Variants in AGBL1 observed in about 807,000 individuals in gnomAD.
AGBL1 encodes the protein AGBL carboxypeptidase 1, also known as cytosolic carboxypeptidase 4.
A neutral mutation model predicts 118.9 loss-of-function variants in AGBL1; 130 were observed. The observed-to-expected ratio is 1.09, with a 90% CI of 0.95 to 1.26. The LOEUF is 1.26. Ranked by LOEUF, AGBL1 falls within the 50% of genes most tolerant of loss-of-function variation. The pLI is 0.00. For synonymous variants in AGBL1, 555 were observed against 478.9 expected (o/e 1.16, Z -2.08); for missense variants, 1,584 against 1,298.1 (o/e 1.22, Z -3.38).
chr15:86,967,819 T>G (rs112660525), intron 23 of AGBL1, among the ~76,000 whole-genome samples: 6,352 of 152,128 alleles, frequency 0.042, 163 homozygotes, highest in Middle Eastern at 0.071. Context: ...GCTCTTTTTT[T>G]GTTCCATATG....
intron 17 of AGBL1, among the ~76,000 whole-genome samples, chr15:86,305,488 G>A (rs2079824349): frequency 6.6e-6 from 1 of 152,050 alleles, no homozygotes; most frequent in Admixed American, 6.6e-5. Context: ...ATGTAAAAAT[G>A]TTAATGATTT....
intron 22 of AGBL1, among the ~76,000 whole-genome samples, chr15:86,791,999 G>A (rs2078500949): frequency 6.6e-6 from 1 of 152,096 alleles, no homozygotes; most frequent in Non-Finnish European, 1.5e-5. Context: ...GCCTCCTAAT[G>A]CTCTGGGATT....
At chr15:86,755,063 A>G (rs1330233754) in intron 22 of AGBL1, among the ~76,000 whole-genome samples, 1 of 152,098 alleles carries the variant, frequency 6.6e-6, no homozygotes, top group African/African-American at 2.4e-5. Flanking sequence ...CATCATCCAT[A>G]TATATGTCTG....
chr15:86,402,717 T>C (rs1378701536), intron 18 of AGBL1, among the ~76,000 whole-genome samples: 1 of 152,152 alleles, frequency 6.6e-6, no homozygotes, highest in East Asian at 1.9e-4. Flanking sequence ...TTTGTGGTGA[T>C]GGTGATGGAG....
At chr15:86,582,950 A>G (rs1252486474) in intron 21 of AGBL1, among the ~76,000 whole-genome samples, 2 of 152,106 alleles carry the variant, frequency 1.3e-5, no homozygotes, top group Non-Finnish European at 2.9e-5. Flanking sequence ...AACATGGCAC[A>G]TGTATACATA....
At chr15:86,349,901 T>A (rs1326207409) in intron 17 of AGBL1, among the ~76,000 whole-genome samples, 1 of 152,214 alleles carries the variant, frequency 6.6e-6, no homozygotes, top group Non-Finnish European at 1.5e-5. Flanking sequence ...TGAACTTCAG[T>A]TTTCCTTTCA....
At chr15:86,923,233 C>A (rs2080498010) in intron 23 of AGBL1, among the ~76,000 whole-genome samples, 1 of 152,162 alleles carries the variant, frequency 6.6e-6, no homozygotes, top group African/African-American at 2.4e-5. Flanking sequence ...GGGCTTAGGG[C>A]AGATTAAAGT....
chr15:86,170,294 C>T (rs1423268071), intron 5 of AGBL1, among the ~76,000 whole-genome samples: 1 of 151,966 alleles, frequency 6.6e-6, no homozygotes, highest in East Asian at 1.9e-4. Context: ...AATACAGAAA[C>T]AGAACATTTC....
intron 21 of AGBL1, among the ~76,000 whole-genome samples, chr15:86,573,254 G>A (rs1315692734): frequency 1.3e-5 from 2 of 152,128 alleles, no homozygotes; most frequent in African/African-American, 4.8e-5. Context: ...TTCAAGAAAC[G>A]TTTTTCTTTT....
At chr15:86,571,684 AG>A (rs1283786959) in intron 21 of AGBL1, among the ~76,000 whole-genome samples, 2 of 152,076 alleles carry the variant, frequency 1.3e-5, no homozygotes, top group Admixed American at 1.3e-4. Flanking sequence ...CCTCTGCTCA[AG>A]TCAAGGGATG....
chr15:86,896,666 C>G (rs1215322135), intron 22 of AGBL1, among the ~76,000 whole-genome samples: 2 of 152,074 alleles, frequency 1.3e-5, no homozygotes, highest in East Asian at 3.8e-4. Context: ...CTATTGACTT[C>G]TGCTGTAAAA....
intron 5 of AGBL1, among the ~76,000 whole-genome samples, chr15:86,200,154 T>C (rs776454652): frequency 6.6e-6 from 1 of 152,260 alleles, no homozygotes; most frequent in Non-Finnish European, 1.5e-5. Flanking sequence ...TTTGTCAATT[T>C]AATTTTTTAA....
intron 17 of AGBL1, among the ~76,000 whole-genome samples, chr15:86,364,018 C>T (rs181652593): frequency 2.0e-5 from 3 of 152,136 alleles, no homozygotes; most frequent in Non-Finnish European, 2.9e-5. Flanking sequence ...TCTATTCCCC[C>T]ATCTCTATTT....
chr15:86,675,154 G>A (rs531547289), intron 22 of AGBL1, among the ~76,000 whole-genome samples: 3 of 152,266 alleles, frequency 2.0e-5, no homozygotes, highest in African/African-American at 7.2e-5. Context: ...GAAGCCAAAA[G>A]CGGCTAAGTC....
intron 21 of AGBL1, among the ~76,000 whole-genome samples, chr15:86,632,831 G>T (rs956716665): frequency 6.6e-6 from 1 of 150,540 alleles, no homozygotes; most frequent in Non-Finnish European, 1.5e-5. Flanking sequence ...TGTAAAAAAG[G>T]TTTTGCTAAT....
At position 86,483,452 on chromosome 15, in the gene AGBL1, C is replaced by T. The variant is rs189667989; in HGVS notation, c.2556-39358C>T. ...GGAAAAAATGCCTAATGGCAGTTAGCGAGGGAGGAGGTATAATGAGGCTTG... is the reference window on the plus strand; with the variant it reads ...GGAAAAAATGCCTAATGGCAGTTAGTGAGGGAGGAGGTATAATGAGGCTTG... On this transcript the variant is annotated intron_variant, in intron 18 of 22. Transcript: ENST00000614907. 2.0e-3 allele frequency among the ~76,000 whole-genome samples: 309 copies of T among 152,108 alleles called. 3 individuals carry two copies. The highest frequency in any genetic ancestry group is 7.2e-3 in the African/African-American group (300 of 41,504).
chr15:86,850,209 C>A (rs115345986), intron 22 of AGBL1, among the ~76,000 whole-genome samples: 60 of 135,318 alleles, frequency 4.4e-4, no homozygotes, highest in African/African-American at 1.7e-3. Context: ...CAGTCATTTT[C>A]AAGGCTTGAT....
At chr15:86,113,798 T>C (rs1193236151) in intron 1 of AGBL1, among the ~76,000 whole-genome samples, 1 of 152,246 alleles carries the variant, frequency 6.6e-6, no homozygotes, top group Non-Finnish European at 1.5e-5. Context: ...AGTACCGTTT[T>C]ACTACTAGGC....
At chr15:86,749,594 A>T (rs868635814) in intron 22 of AGBL1, among the ~76,000 whole-genome samples, 7 of 152,082 alleles carry the variant, frequency 4.6e-5, no homozygotes, top group African/African-American at 9.7e-5. Context: ...GTGCCAGTTT[A>T]CAAAGGGAAT....
Sources: allele counts gnomAD v4.1 joint callset (sites outside exome capture counted in the v4.1 genomes callset), GRCh38; gene constraint gnomAD v4.1.1; transcripts MANE v1.5; gene names NCBI Gene and HGNC (gene_info 2026-07-23, HGNC 2026-07-21).